PMPCB: variants seen among roughly 807,000 people sequenced by gnomAD.
PMPCB encodes mitochondrial-processing peptidase subunit beta.
PMPCB carries 46 observed loss-of-function variants against 61.5 expected under a neutral mutation model. That is an observed-to-expected ratio of 0.75 (90% CI 0.59 to 0.96). PMPCB has a LOEUF of 0.96. Among genes scored for constraint, PMPCB ranks in the 40% least tolerant of loss-of-function variants. The pLI is 0.00. For missense variants in PMPCB, 590 were observed against 602.4 expected (o/e 0.98, Z 0.22); for synonymous variants, 191 against 201.6 (o/e 0.95, Z 0.44).
the PMPCB span, among the ~76,000 whole-genome samples, chr7:103,339,202 A>G: frequency 6.6e-6 from 1 of 152,330 alleles, no homozygotes; most frequent in East Asian, 1.9e-4. Context: ...GCTGTGTGTA[A>G]GCAGTAATAC....
At chr7:103,331,112 A>G (rs2115983713), downstream of PMPCB, among the ~76,000 whole-genome samples, 1 of 151,480 alleles carries the variant, frequency 6.6e-6, no homozygotes, top group African/African-American at 2.4e-5. Flanking sequence ...ACCTGCCACC[A>G]CGCTCAGCTA....
the PMPCB span, among the ~76,000 whole-genome samples, chr7:103,346,641 T>A: frequency 6.6e-6 from 1 of 152,230 alleles, no homozygotes; most frequent in Non-Finnish European, 1.5e-5. Flanking sequence ...AACTGTCCAC[T>A]GGAAACCATC....
intron 2 of PMPCB, among the ~76,000 whole-genome samples, chr7:103,299,228 T>G (rs1563443591): frequency 6.6e-6 from 1 of 152,212 alleles, no homozygotes; most frequent in Non-Finnish European, 1.5e-5. Context: ...GAATCCTCAT[T>G]GAAGGTGGCA....
downstream of PMPCB, among the ~76,000 whole-genome samples, chr7:103,329,736 G>A (rs1392500086): frequency 6.6e-6 from 1 of 152,046 alleles, no homozygotes; most frequent in African/African-American, 2.4e-5. Flanking sequence ...TCTTGCCCTG[G>A]GGTTATCTTT....
chr7:103,345,474 C>A, the PMPCB span, among the ~76,000 whole-genome samples: 1 of 152,060 alleles, frequency 6.6e-6, no homozygotes, highest in Non-Finnish European at 1.5e-5. Flanking sequence ...TCACCCCCAA[C>A]AGCAGTATCT....
chr7:103,341,811 A>G, the PMPCB span: 1 of 1,608,246 alleles, frequency 6.2e-7, no homozygotes, highest in Non-Finnish European at 8.5e-7. Flanking sequence ...AACTCTTCCA[A>G]CTGCAATTCT....
rs1817915012 is a variant in PMPCB at position 103,314,159 on chromosome 7, G to C, written c.*1888G>C. 4 of 985,198 alleles carry C rather than the reference G, an allele frequency of 4.1e-6. No homozygotes were observed. Among genetic ancestry groups the C allele is most frequent in the Admixed American group, 6.2e-5 (1 of 16,258 alleles). 61.0% of individuals were successfully genotyped at this position (985,198 alleles called of 1,614,324 possible). Reference sequence around the variant, plus strand: ...TTTAAGTTCTAGGAAGTCTTTTGTTGAATTTCCTTGTATTGGTTTAAAGCC... The same window carrying C: ...TTTAAGTTCTAGGAAGTCTTTTGTTCAATTTCCTTGTATTGGTTTAAAGCC... On this transcript the variant is annotated 3_prime_UTR_variant, in exon 13 of 13. Transcript: ENST00000249269.
chr7:103,315,706 G>A (rs757109989), downstream of PMPCB: 49 of 1,167,188 alleles, frequency 4.2e-5, 1 homozygote, highest in Middle Eastern at 1.9e-4. Context: ...AGTCTTGTAC[G>A]TCCAAGCAGC....
At chr7:103,338,052 G>C in the PMPCB span, among the ~76,000 whole-genome samples, 2 of 152,032 alleles carry the variant, frequency 1.3e-5, no homozygotes, top group Non-Finnish European at 2.9e-5. Context: ...GATTGCTTGA[G>C]CCCAGGAATA....
downstream of PMPCB, among the ~76,000 whole-genome samples, chr7:103,330,173 T>C (rs1367921611): frequency 1.3e-5 from 2 of 152,242 alleles, no homozygotes; most frequent in Non-Finnish European, 2.9e-5. Flanking sequence ...TTTAATATTA[T>C]CTGAGCTATA....
At chr7:103,344,800 G>T in the PMPCB span, 4 of 645,662 alleles carry the variant, frequency 6.2e-6, no homozygotes, top group Middle Eastern at 4.2e-4. Context: ...TCGTGGTGTG[G>T]AGGCCAGTCT....
the PMPCB span, chr7:103,344,692 C>A: frequency 6.6e-7 from 1 of 1,507,744 alleles, no homozygotes; most frequent in Non-Finnish European, 9.1e-7. Flanking sequence ...AGGGTCCCCT[C>A]CAGCTCTACC....
At position 103,297,504 on chromosome 7, in the gene PMPCB, G is replaced by A. The variant is rs1422746308; in HGVS notation, c.45G>A (p.Arg15=). The A allele has an allele frequency of 6.3e-7, 1 of 1,581,250 alleles. No homozygotes were observed. Among genetic ancestry groups the A allele is most frequent in the Non-Finnish European group, 8.6e-7 (1 of 1,163,204 alleles). Reference sequence around the variant, plus strand: ...GAGTGGTGTTGTCATCCGCGGCGCGGCGGCGGCTCTGGGGTTTCAGCGAGA... The same window carrying A: ...GAGTGGTGTTGTCATCCGCGGCGCGACGGCGGCTCTGGGGTTTCAGCGAGA... The part of the protein sequence containing the change: ...AARVVLSSAA[R]RRLWGFSESL... Residue 15 remains arginine, a synonymous_variant, in exon 1 of 13, where the codon CGG becomes CGA. Coordinates refer to ENST00000249269, the MANE Select transcript of PMPCB (RefSeq NM_004279.3).
At position 103,303,887 on chromosome 7, in the gene PMPCB, A is replaced by G. The variant is rs747504159; in HGVS notation, c.503A>G (p.Glu168Gly). The G allele has an allele frequency of 1.9e-6, 3 of 1,613,844 alleles. No individual in the cohort carries two copies. Among genetic ancestry groups the G allele is most frequent in the Non-Finnish European group, 2.5e-6 (3 of 1,179,804 alleles). The change falls in exon 5 of 13, where the codon GAA becomes GGA. Residue 168 changes from glutamate to glycine, a missense_variant. By Grantham distance (98) the Glu-to-Gly change is moderately conservative (BLOSUM62 -2). Coordinates refer to ENST00000249269, the MANE Select transcript of PMPCB (RefSeq NM_004279.3). ...ADIIQNSTLG[E>G]AEIERERGVI... is the part of the protein sequence containing the mutation. ...ATAATACAAAACAGCACATTGGGAG[A>G]AGCAGAGATTGAACGTGAGCGTGGA... is the stretch of plus-strand genomic sequence containing the variant.
intron 6 of PMPCB, among the ~76,000 whole-genome samples, chr7:103,306,634 C>G (rs1376884247): frequency 6.6e-6 from 1 of 152,196 alleles, no homozygotes; most frequent in Non-Finnish European, 1.5e-5. Context: ...ATCCGCCTGC[C>G]TCAGCCTCCG....
downstream of PMPCB, among the ~76,000 whole-genome samples, chr7:103,318,037 T>C (rs1260100970): frequency 2.0e-5 from 3 of 152,220 alleles, no homozygotes; most frequent in Non-Finnish European, 4.4e-5. Context: ...AGTAGTACAA[T>C]GTTGAACCTT....
chr7:103,322,183 AAAG>A (rs1288220029), intron 12 of PMPCB: 1 of 893,024 alleles, frequency 1.1e-6, no homozygotes, highest in Non-Finnish European at 1.6e-6. Flanking sequence ...TATTAGGAAA[AAAG>A]GCAACATAAA....
chr7:103,299,849 A>G lies in PMPCB; in HGVS notation c.327+320A>G, dbSNP rs191938183. ...GCGGTGACGCAATCTGCTTACTGCA[A>G]CCTCCGCCTCCTAGGCTCAAGCCAT... On this transcript the variant is annotated intron_variant, in intron 3 of 12. Transcript: ENST00000249269. 7.0e-4 allele frequency among the ~76,000 whole-genome samples: 107 copies of G among 151,782 alleles called. 1 individual carries two copies. Among genetic ancestry groups the G allele is most frequent in the Non-Finnish European group, 1.2e-3 (82 of 67,914 alleles).
intron 12 of PMPCB, chr7:103,324,707 C>G: frequency 2.4e-6 from 2 of 828,904 alleles, no homozygotes. Context: ...GAAGATGGAG[C>G]TGGAAGGTCA....
Sources: gnomAD v4.1 joint callset for allele counts (sites outside exome capture counted in the v4.1 genomes callset) on GRCh38, gnomAD v4.1.1 for gene constraint, MANE v1.5 for transcripts, NCBI Gene and HGNC (gene_info 2026-07-23, HGNC 2026-07-21) for gene names.